The following ARHGAP11B variants were observed in gnomAD, a reference collection of about 807,000 sequenced individuals.
The protein encoded by ARHGAP11B is Rho GTPase activating protein 11B.
A neutral mutation model predicts 27.6 loss-of-function variants in ARHGAP11B; 14 were observed. That is an observed-to-expected ratio of 0.51 (90% confidence interval 0.34 to 0.79). The LOEUF is 0.79. Ranked by LOEUF, ARHGAP11B falls within the 30% of genes least tolerant of loss-of-function variation. The pLI is 0.02. For synonymous variants in ARHGAP11B, 82 were observed against 114.1 expected, an observed-to-expected ratio of 0.72 and a Z score of 1.80; for missense variants, 245 against 320.1, an observed-to-expected ratio of 0.77 and a Z score of 1.79.
At chr15:30,633,798 C>G (rs988146472) in intron 3 of ARHGAP11B, among the ~76,000 whole-genome samples, 11 of 151,012 alleles carry the variant, frequency 7.3e-5, no homozygotes, top group Non-Finnish European at 1.5e-4. Context: ...AATTCATGGT[C>G]CTTATTTCTA....
intron 8 of ARHGAP11B, among the ~76,000 whole-genome samples, chr15:30,645,734 A>ATAAC (rs1179759475): frequency 1.3e-5 from 2 of 152,010 alleles, no homozygotes; most frequent in African/African-American, 4.8e-5. Context: ...GAACTTTTTA[A>ATAAC]TAACTGGGAT....
At chr15:30,638,705 A>G (rs1006206429) in intron 6 of ARHGAP11B, 41 bp from the exon 7 acceptor site, 7 of 1,224,316 alleles carry the variant, frequency 5.7e-6, no homozygotes, top group Non-Finnish European at 8.0e-6. Flanking sequence ...GTGAAAGACA[A>G]GTAAATGTGA....
intron 8 of ARHGAP11B, among the ~76,000 whole-genome samples, chr15:30,645,812 C>A (rs779939110): frequency 6.6e-6 from 1 of 151,946 alleles, no homozygotes; most frequent in Non-Finnish European, 1.5e-5. Flanking sequence ...TTACTTCAGT[C>A]GTATTCAACT....
intron 2 of ARHGAP11B, among the ~76,000 whole-genome samples, chr15:30,633,201 GA>G (rs1194913252): frequency 6.7e-6 from 1 of 150,148 alleles, no homozygotes; most frequent in African/African-American, 2.4e-5. Context: ...AGTAGAGGCA[GA>G]AAAAAAAGAC....
chr15:30,631,418 T>C (rs998977238), intron 2 of ARHGAP11B, among the ~76,000 whole-genome samples: 1 of 152,024 alleles, frequency 6.6e-6, no homozygotes, highest in Non-Finnish European at 1.5e-5. Context: ...TCCCAGCATT[T>C]TGAGGGCCGA....
At chr15:30,648,059 A>G (rs1396743123) in intron 10 of ARHGAP11B, among the ~76,000 whole-genome samples, 1 of 151,846 alleles carries the variant, frequency 6.6e-6, no homozygotes. Context: ...TCTGACTCCC[A>G]AAGTGTTAGG....
At chr15:30,648,229 A>G (rs777319310) in intron 10 of ARHGAP11B, among the ~76,000 whole-genome samples, 10 of 152,010 alleles carry the variant, frequency 6.6e-5, no homozygotes, top group African/African-American at 9.7e-5. Flanking sequence ...TAGCTTCCCT[A>G]TGATTTTATT....
intron 9 of ARHGAP11B, among the ~76,000 whole-genome samples, chr15:30,646,552 T>C (rs1184061853): frequency 1.3e-5 from 2 of 151,654 alleles, no homozygotes; most frequent in African/African-American, 4.8e-5. Flanking sequence ...TTTAAAAAAA[T>C]ATATAGGCTG....
intron 1 of ARHGAP11B, among the ~76,000 whole-genome samples, chr15:30,627,886 G>T (rs2060220194): frequency 6.6e-6 from 1 of 151,874 alleles, no homozygotes; most frequent in African/African-American, 2.4e-5. Context: ...TCTCTTAATC[G>T]CTGATAAACT....
chr15:30,640,019 C>T (rs954936791), intron 7 of ARHGAP11B, among the ~76,000 whole-genome samples: 3 of 133,188 alleles, frequency 2.3e-5, no homozygotes, highest in Non-Finnish European at 3.2e-5. Context: ...TGTGTTATGA[C>T]AACATCTATT....
chr15:30,647,390 G>C, intron 9 of ARHGAP11B, among the ~76,000 whole-genome samples: 1 of 151,804 alleles, frequency 6.6e-6, no homozygotes, highest in East Asian at 1.9e-4. Flanking sequence ...ATAGTATTAA[G>C]GTTACTTTTT....
At chr15:30,643,784 T>C (rs1053977935) in intron 7 of ARHGAP11B, among the ~76,000 whole-genome samples, 2 of 152,050 alleles carry the variant, frequency 1.3e-5, no homozygotes, top group African/African-American at 4.8e-5. Flanking sequence ...AATACAGTAA[T>C]GCTGGTTACT....
At chr15:30,633,990 A>G (rs1166040760) in intron 3 of ARHGAP11B, among the ~76,000 whole-genome samples, 180 bp from the exon 4 acceptor site, 1 of 151,622 alleles carries the variant, frequency 6.6e-6, no homozygotes, top group Non-Finnish European at 1.5e-5. Flanking sequence ...TCTGTGCCAC[A>G]TTTCTATAAA....
At position 30,629,365 on chromosome 15, in the gene ARHGAP11B, A is replaced by ACCC. The variant is rs35981302; in HGVS notation, c.130-1332_130-1330dup. On this transcript the variant is annotated intron_variant, in intron 1 of 10. Coordinates refer to ENST00000428041, the Ensembl canonical transcript of ARHGAP11B. The stretch of plus-strand genomic sequence containing the variant: ...GAGACCATCCTAGCTAACACGGTGA[A>ACCC]CCCCCCCCGCCCCACGTCTCTATTA... 6.6e-5 allele frequency among the ~76,000 whole-genome samples: 10 copies of ACCC among 150,632 alleles called. 1 individual carries two copies. The South Asian group carries it at 2.1e-3, about 32-fold the overall frequency.
intron 7 of ARHGAP11B, among the ~76,000 whole-genome samples, chr15:30,639,971 A>AGTGTGTGTGTGTGTGTGTGT (rs71103435): frequency 2.1e-5 from 3 of 143,192 alleles, no homozygotes; most frequent in East Asian, 2.1e-4. Context: ...TTCAATATAG[A>AGTGTGTGTGTGTGTGTGTGT]GTGTGTGTGT....
At chr15:30,644,201 G>C (rs553853163) in intron 7 of ARHGAP11B, among the ~76,000 whole-genome samples, 30 of 151,846 alleles carry the variant, frequency 2.0e-4, no homozygotes, top group East Asian at 5.8e-4. Flanking sequence ...GAAATATTTT[G>C]TTGTTTATCA....
At chr15:30,646,183 A>T in exon 9 of ARHGAP11B, 1 of 1,071,554 alleles carries the variant, frequency 9.3e-7, no homozygotes, top group Non-Finnish European at 1.1e-6. Context: ...TCGCAGATCG[A>T]CTCCAGTGAG....
chr15:30,634,440 ACT>A lies in ARHGAP11B; in HGVS notation c.551+20_551+21del, dbSNP rs756195105. ...TTCTCTTAGGTAAGTGGTAATTAAA[ACT>A]CTTGGCAAATAATAGTTGAATTTTT... On this transcript the variant is annotated intron_variant, in intron 4 of 10. Transcript: ENST00000428041. The A allele has an allele frequency of 6.3e-7, 1 of 1,597,836 alleles. No individual in the cohort carries two copies. Among genetic ancestry groups the A allele is most frequent in the South Asian group, 1.1e-5 (1 of 88,748 alleles).
chr15:30,631,605 T>A (rs1024193638), intron 2 of ARHGAP11B, among the ~76,000 whole-genome samples: 1 of 152,076 alleles, frequency 6.6e-6, no homozygotes, highest in African/African-American at 2.4e-5. Flanking sequence ...AGTTTGAGGC[T>A]GCAGTGAGCT....
Sources: gnomAD v4.1 joint callset for allele counts (sites outside exome capture counted in the v4.1 genomes callset) on GRCh38, gnomAD v4.1.1 for gene constraint, MANE v1.5 for transcripts, NCBI Gene and HGNC (gene_info 2026-07-23, HGNC 2026-07-21) for gene names.